Variants in EPB41 observed in about 807,000 individuals in gnomAD.
The protein encoded by EPB41 is protein 4.1.
EPB41 carries 65 observed loss-of-function variants against 108.0 expected under a neutral mutation model. The ratio of observed to expected loss-of-function variants is 0.60; its 90% confidence interval spans 0.49 to 0.74. The LOEUF is 0.74. EPB41 is among the 30% of genes least tolerant of loss of function. EPB41 has a pLI of 0.00. For synonymous variants in EPB41, 336 were observed against 358.9 expected (o/e 0.94, Z 0.72); for missense variants, 875 against 1,037.0 (o/e 0.84, Z 2.15).
At chr1:29,011,651 A>G (rs1183878524) in intron 4 of EPB41, among the ~76,000 whole-genome samples, 1 of 152,262 alleles carries the variant, frequency 6.6e-6, no homozygotes, top group Non-Finnish European at 1.5e-5. Context: ...TCACTCAGCC[A>G]GGAAGTAGTG....
intron 16 of EPB41, among the ~76,000 whole-genome samples, chr1:29,073,819 TGATTAA>T (rs576566320): frequency 6.6e-6 from 1 of 152,194 alleles, no homozygotes; most frequent in Non-Finnish European, 1.5e-5. Flanking sequence ...CTGACTCTGT[TGATTAA>T]GATTAGACTG....
intron 11 of EPB41, among the ~76,000 whole-genome samples, chr1:29,044,047 A>C (rs1642436682): frequency 6.6e-6 from 1 of 150,964 alleles, no homozygotes; most frequent in South Asian, 2.1e-4. Context: ...ACTGTGGATA[A>C]GTTAAGTTTG....
At chr1:28,941,099 C>G (rs1044167534) in intron 1 of EPB41, among the ~76,000 whole-genome samples, 6 of 151,884 alleles carry the variant, frequency 4.0e-5, no homozygotes, top group African/African-American at 1.5e-4. Context: ...GAAGAAGGGC[C>G]AGGCTCAGTG....
At chr1:28,894,381 G>A (rs1265438749) in intron 1 of EPB41, among the ~76,000 whole-genome samples, 1 of 152,176 alleles carries the variant, frequency 6.6e-6, no homozygotes, top group African/African-American at 2.4e-5. Context: ...TGGATATAAA[G>A]GGCCCAGCAT....
chr1:28,958,413 A>T (rs577009522), intron 1 of EPB41, among the ~76,000 whole-genome samples: 77 of 151,966 alleles, frequency 5.1e-4, no homozygotes, highest in Middle Eastern at 6.8e-3. Context: ...GCACCACTGC[A>T]CTCCAGCCTG....
chr1:29,018,235 G>C lies in EPB41; in HGVS notation c.917G>C (p.Cys306Ser). The change falls in exon 7 of 21, where the codon TGT becomes TCT. Residue 306 changes from cysteine (C) to serine (S), a missense_variant. This residue lies in a region of EPB41 where 353 missense variants were observed against 393.2 expected (regional missense o/e 0.90). Coordinates refer to ENST00000343067, the MANE Select transcript of EPB41 (RefSeq NM_001376013.1). This position sits in a 1 kb window ranked among gnomAD's most constrained non-coding sequence, Gnocchi z 4.4. ...TCTTTTGGCTGTAGATATTATTTAT[G>C]TCTTCAGCTTCGGCAGGACATAGTT... ...LTEDITRYYL[C>S]LQLRQDIVAG... The C allele has an allele frequency of 6.2e-7, 1 of 1,613,252 alleles. No individual in the cohort carries two copies. Among genetic ancestry groups the C allele is most frequent in the Non-Finnish European group, 8.5e-7 (1 of 1,179,810 alleles).
At chr1:29,050,471 T>C (rs1318501480) in intron 11 of EPB41, among the ~76,000 whole-genome samples, 1 of 152,246 alleles carries the variant, frequency 6.6e-6, no homozygotes, top group Non-Finnish European at 1.5e-5. Flanking sequence ...AATACACATG[T>C]ATAATGATAC....
At chr1:28,899,475 A>G (rs530562799) in intron 1 of EPB41, among the ~76,000 whole-genome samples, 1 of 152,214 alleles carries the variant, frequency 6.6e-6, no homozygotes, top group Non-Finnish European at 1.5e-5. Context: ...CCCACCCATG[A>G]CAGTTTCCCT....
chr1:29,061,362 C>T (rs1057432202), intron 15 of EPB41, among the ~76,000 whole-genome samples: 5 of 151,950 alleles, frequency 3.3e-5, no homozygotes, highest in African/African-American at 7.2e-5. Flanking sequence ...CTCCGCTTCC[C>T]GGGTTCACGC....
intron 11 of EPB41, among the ~76,000 whole-genome samples, chr1:29,048,632 A>G (rs1305642704): frequency 6.6e-6 from 1 of 152,240 alleles, no homozygotes; most frequent in Non-Finnish European, 1.5e-5. Context: ...CTAAGGTTAC[A>G]TAGCTAGTTG....
chr1:29,030,180 G>A (rs994257086), intron 7 of EPB41, among the ~76,000 whole-genome samples: 5 of 152,028 alleles, frequency 3.3e-5, no homozygotes, highest in African/African-American at 1.2e-4. Flanking sequence ...GTGACTTTTT[G>A]TTTGCTCACA....
intron 1 of EPB41, among the ~76,000 whole-genome samples, chr1:28,930,980 T>A (rs1221771211): frequency 6.6e-6 from 1 of 152,118 alleles, no homozygotes; most frequent in Non-Finnish European, 1.5e-5. Flanking sequence ...AATTATTCCA[T>A]CAGTATTCAG....
chr1:29,053,117 T>C lies in EPB41; in HGVS notation c.1650T>C (p.Asp550=). The C allele has an allele frequency of 6.2e-7, 1 of 1,614,148 alleles. No individual in the cohort carries two copies. Among genetic ancestry groups the C allele is most frequent in the Non-Finnish European group, 8.5e-7 (1 of 1,180,048 alleles). The change falls in exon 12 of 21, where the codon GAT becomes GAC. Residue 550 remains aspartate, a synonymous_variant. Coordinates refer to ENST00000343067, the MANE Select transcript of EPB41 (RefSeq NM_001376013.1). ...SRSLDGAAAV[D]SADRSPRPTS... ...TTTCTCACATAGCAGCAGCTGTCGA[T>C]TCGGCAGACCGAAGTCCTCGGCCCA...
chr1:28,887,371 C>A lies in EPB41; in HGVS notation c.-8+161C>A, dbSNP rs1215568225. On this transcript the variant is annotated intron_variant, in intron 1 of 16. Transcript: ENST00000347529. This position sits in a 1 kb window ranked among gnomAD's most constrained non-coding sequence, Gnocchi z 4.9. ...TCCAGCGGTCCCGAATTCCAGAATC[C>A]GAACTTGGGGTCCAAAGGAGTCTGG... The A allele has an allele frequency of 3.0e-6, 3 of 985,398 alleles. No homozygotes were observed. The highest frequency in any genetic ancestry group is 3.6e-6 in the Non-Finnish European group (3 of 829,910). 61.0% of individuals were successfully genotyped at this position (985,398 alleles called of 1,614,324 possible).
chr1:29,074,422 G>T (rs1262320173), intron 16 of EPB41, among the ~76,000 whole-genome samples: 1 of 152,038 alleles, frequency 6.6e-6, no homozygotes, highest in Non-Finnish European at 1.5e-5. Flanking sequence ...TCTGTTTTGT[G>T]TGGCATGTAG....
chr1:29,016,820 T>TA (rs1333329148), intron 6 of EPB41, among the ~76,000 whole-genome samples: 2 of 152,218 alleles, frequency 1.3e-5, no homozygotes, highest in African/African-American at 4.8e-5. Flanking sequence ...TTTCTTAAAT[T>TA]AAACTGTTGG....
chr1:28,918,348 A>T (rs2092835491), intron 1 of EPB41, among the ~76,000 whole-genome samples: 1 of 152,046 alleles, frequency 6.6e-6, no homozygotes, highest in Non-Finnish European at 1.5e-5. Context: ...CACCACACCC[A>T]GCCAATGGCC....
At chr1:28,973,740 G>A (rs1343351053) in intron 1 of EPB41, among the ~76,000 whole-genome samples, 2 of 151,998 alleles carry the variant, frequency 1.3e-5, no homozygotes. Flanking sequence ...TCTTAGCATT[G>A]GTAAGGACCT....
At chr1:28,997,948 T>C (rs1440956560) in intron 4 of EPB41, among the ~76,000 whole-genome samples, 1 of 152,126 alleles carries the variant, frequency 6.6e-6, no homozygotes, top group Non-Finnish European at 1.5e-5. Context: ...GGCCAATTAA[T>C]TGAAAATTGC....
Sources: gnomAD v4.1 joint callset for allele counts (sites outside exome capture counted in the v4.1 genomes callset) on GRCh38, gnomAD v4.1.1 for gene constraint, gnomAD v4.1.1 regional missense constraint, Gnocchi (gnomAD v3.1) non-coding constraint, MANE v1.5 for transcripts, NCBI Gene and HGNC (gene_info 2026-07-23, HGNC 2026-07-21) for gene names.